Variants in CNTN4 observed in about 807,000 individuals in gnomAD.
CNTN4 encodes the protein contactin-4.
In CNTN4, 77 loss-of-function variants were observed where a neutral mutation model predicts 122.5. The observed-to-expected ratio is 0.63, with a 90% CI of 0.52 to 0.76. The LOEUF is 0.76. Among genes scored for constraint, CNTN4 ranks in the 30% least tolerant of loss-of-function variants. The pLI is 0.00. For missense variants in CNTN4, 1,256 were observed against 1,259.1 expected (o/e 1.00, Z 0.04); for synonymous variants, 512 against 447.0 (o/e 1.15, Z -1.83).
chr3:2,968,980 T>G (rs1692605888), intron 13 of CNTN4, among the ~76,000 whole-genome samples: 1 of 152,244 alleles, frequency 6.6e-6, no homozygotes, highest in Non-Finnish European at 1.5e-5. Context: ...TATTGAAGTA[T>G]AATTTACATT....
chr3:2,896,697 A>T (rs1341631964), intron 10 of CNTN4, among the ~76,000 whole-genome samples: 1 of 152,196 alleles, frequency 6.6e-6, no homozygotes, highest in Non-Finnish European at 1.5e-5. Flanking sequence ...TGTCAATTGC[A>T]TAAGAATCCC....
In CNTN4 at chr3:3,034,747, A is replaced by T; in HGVS notation, c.1899A>T (p.Gln633His). Residue 633 changes from glutamine (Q) to histidine (H), a missense_variant, in exon 17 of 25, where the codon CAA (glutamine) becomes CAT (histidine). Transcript: ENST00000418658. ...GCCCCATCACCATGTATGTCATTCA[A>T]GCCAGGACTCCATTCTCCGTGGGCT... ...NHSPITMYVI[Q>H]ARTPFSVGWQ... 1 of 1,614,104 alleles carries T rather than the reference A, an allele frequency of 6.2e-7. No homozygotes were observed. Among genetic ancestry groups the T allele is most frequent in the Non-Finnish European group, 8.5e-7 (1 of 1,180,018 alleles).
At chr3:3,018,898 A>G (rs1466195435) in intron 14 of CNTN4, among the ~76,000 whole-genome samples, 1 of 152,214 alleles carries the variant, frequency 6.6e-6, no homozygotes, top group East Asian at 1.9e-4. Flanking sequence ...CCAGAAAGTA[A>G]AGAAACACTT....
chr3:2,618,632 C>T (rs533836363), intron 4 of CNTN4, among the ~76,000 whole-genome samples: 2 of 152,180 alleles, frequency 1.3e-5, no homozygotes, highest in East Asian at 3.9e-4. Flanking sequence ...AGTAGCACAG[C>T]GGGGATAATT....
intron 3 of CNTN4, among the ~76,000 whole-genome samples, chr3:2,464,972 T>G (rs750022445): frequency 6.6e-6 from 1 of 152,208 alleles, no homozygotes; most frequent in Non-Finnish European, 1.5e-5. Context: ...CTTGTGTTTC[T>G]AGAAATGTAT....
At chr3:2,599,374 A>T (rs2080921809) in intron 4 of CNTN4, among the ~76,000 whole-genome samples, 2 of 152,242 alleles carry the variant, frequency 1.3e-5, no homozygotes, top group African/African-American at 4.8e-5. Context: ...GCTGTTGACT[A>T]ACATGTAGCA....
rs2077332608 is a variant in CNTN4 at position 2,524,539 on chromosome 3, C to T, written c.-88-46877C>T. Among the ~76,000 whole-genome samples, 7 of 152,144 alleles carry T rather than the reference C, an allele frequency of 4.6e-5. No individual in the cohort carries two copies. In the South Asian group the frequency reaches 1.5e-3, roughly 32 times the overall value. ...AACCAATATGTTTAAATTTTAGCAA[C>T]ACTGAAATACAGTGGATGTAACTAA... is the stretch of plus-strand genomic sequence containing the variant. On this transcript the variant is annotated intron_variant, in intron 3 of 24. Coordinates refer to ENST00000418658, the MANE Select transcript of CNTN4 (RefSeq NM_175607.3).
chr3:2,619,428 A>G (rs991698080), intron 4 of CNTN4, among the ~76,000 whole-genome samples: 1 of 152,212 alleles, frequency 6.6e-6, no homozygotes, highest in African/African-American at 2.4e-5. Flanking sequence ...ATCTTGAAGA[A>G]TGGATTCAAA....
chr3:2,982,871 T>A (rs1325681747), intron 13 of CNTN4, among the ~76,000 whole-genome samples: 15 of 152,254 alleles, frequency 9.9e-5, no homozygotes, highest in Admixed American at 9.2e-4. Flanking sequence ...AAGTAATGAT[T>A]TATTATGAGC....
At position 2,777,204 on chromosome 3, in the gene CNTN4, G is replaced by C. The variant is rs561733354; in HGVS notation, c.358+31507G>C. Among the ~76,000 whole-genome samples, 4 of 152,154 alleles carry C rather than the reference G, an allele frequency of 2.6e-5. No individual in the cohort carries two copies. The East Asian group carries it at 7.7e-4, about 29-fold the overall frequency. ...CAGGAAAATCACATTTGTGTTTTAT[G>C]GTATTTAAACAGAAATTAGTATAAC... On this transcript the variant is annotated intron_variant, in intron 6 of 24. Transcript: ENST00000418658.
intron 4 of CNTN4, among the ~76,000 whole-genome samples, chr3:2,643,849 A>T (rs1484078551): frequency 1.3e-5 from 2 of 151,982 alleles, no homozygotes; most frequent in African/African-American, 4.8e-5. Context: ...ACCCTATATA[A>T]AGCTGCCAGA....
At chr3:2,613,073 A>G (rs1047497286) in intron 4 of CNTN4, among the ~76,000 whole-genome samples, 4 of 152,148 alleles carry the variant, frequency 2.6e-5, no homozygotes, top group Non-Finnish European at 5.9e-5. Context: ...CAGTGGTGCA[A>G]TACATCATCC....
intron 7 of CNTN4, among the ~76,000 whole-genome samples, 167 bp downstream of exon 7, chr3:2,819,748 G>A (rs775762066): frequency 2.0e-4 from 30 of 152,100 alleles, no homozygotes; most frequent in Non-Finnish European, 2.9e-4. Context: ...CATTAGGACA[G>A]GAAAATACCA....
intron 4 of CNTN4, among the ~76,000 whole-genome samples, chr3:2,583,406 G>A (rs2080037350): frequency 7.2e-5 from 11 of 152,186 alleles, no homozygotes; most frequent in Admixed American, 7.2e-4. Context: ...CAGATACTGG[G>A]AATGTTTGAT....
chr3:2,817,917 A>G (rs2150224335), intron 6 of CNTN4, among the ~76,000 whole-genome samples: 1 of 152,364 alleles, frequency 6.6e-6, no homozygotes, highest in Admixed American at 6.5e-5. Flanking sequence ...AAAGACAAGA[A>G]AAATACCATG....
At chr3:2,658,765 A>C (rs2083716389) in intron 4 of CNTN4, among the ~76,000 whole-genome samples, 1 of 152,120 alleles carries the variant, frequency 6.6e-6, no homozygotes, top group South Asian at 2.1e-4. Context: ...AGAGAGGTGG[A>C]GTGACTTGCC....
chr3:2,509,518 T>A (rs2076824842), intron 3 of CNTN4, among the ~76,000 whole-genome samples: 1 of 152,238 alleles, frequency 6.6e-6, no homozygotes, highest in African/African-American at 2.4e-5. Context: ...TCATTACCAT[T>A]AACTATTGGT....
chr3:2,240,664 T>C (rs1354000181), intron 2 of CNTN4, among the ~76,000 whole-genome samples: 1 of 152,080 alleles, frequency 6.6e-6, no homozygotes, highest in Non-Finnish European at 1.5e-5. Flanking sequence ...GTCATTGCAT[T>C]GTTTAGGAAA....
intron 13 of CNTN4, among the ~76,000 whole-genome samples, chr3:2,972,686 T>C (rs764026413): frequency 6.6e-6 from 1 of 152,162 alleles, no homozygotes; most frequent in African/African-American, 2.4e-5. Flanking sequence ...AAATGTAGTG[T>C]GCTGATGATT....
Sources: gnomAD v4.1 joint callset for allele counts (sites outside exome capture counted in the v4.1 genomes callset) on GRCh38, gnomAD v4.1.1 for gene constraint, MANE v1.5 for transcripts, NCBI Gene and HGNC (gene_info 2026-07-23, HGNC 2026-07-21) for gene names.